The following CREBBP variants were observed in gnomAD, a reference collection of about 807,000 sequenced individuals.
The protein encoded by CREBBP is CREB-binding protein.
Under a neutral mutation model 265.0 loss-of-function variants are expected in CREBBP, and 19 were observed. The observed-to-expected ratio is 0.07, with a 90% CI of 0.05 to 0.11. CREBBP has a LOEUF of 0.11. CREBBP is among the 10% of genes least tolerant of loss of function. The pLI is 1.00. For synonymous variants in CREBBP, 1,457 were observed against 1,223.7 expected, an observed-to-expected ratio of 1.19 and a Z score of -3.98; for missense variants, 2,525 against 3,219.0, an observed-to-expected ratio of 0.78 and a Z score of 5.22.
At chr16:3,864,373 G>C (rs2055136368) in intron 1 of CREBBP, among the ~76,000 whole-genome samples, 1 of 152,206 alleles carries the variant, frequency 6.6e-6, no homozygotes, top group Admixed American at 6.5e-5. Flanking sequence ...TACCAGGTAT[G>C]TTGGCTCACA....
chr16:3,742,097 C>CA (rs34412460), intron 23 of CREBBP: 247 of 143,936 alleles, frequency 1.7e-3, no homozygotes, highest in Middle Eastern at 3.6e-3. Flanking sequence ...CAAAACAAAA[C>CA]AAAAAAAAAA....
Position 3,729,374 on chromosome 16 carries a change from C to G in CREBBP, c.5673G>C (p.Gly1891=), listed in dbSNP as rs2151309077. The change falls in exon 31 of 31, where the codon GGG becomes GGC. Residue 1891 remains glycine, a synonymous_variant. Transcript: ENST00000262367. ...SLPSPTSAPP[G]TPTQQPSTPQ... The stretch of plus-strand genomic sequence containing the variant: ...GTGTGCTGGGCTGCTGTGTGGGGGT[C>G]CCGGGCGGTGCTGAGGTAGGAGAAG... 1 of 1,608,582 alleles carries G rather than the reference C, an allele frequency of 6.2e-7. No homozygotes were observed. The highest frequency in any genetic ancestry group is 8.5e-7 in the Non-Finnish European group (1 of 1,179,458).
rs745617177 is a variant in CREBBP, at chr16:3,749,635, G to A, written c.3828C>T (p.Asp1276=). Residue 1276 remains aspartate, a synonymous_variant, in exon 21 of 31, where the codon GAC becomes GAT. Transcript: ENST00000262367. ...QFEKKKNDTL[D]PEPFVDCKEC... The stretch of plus-strand genomic sequence containing the variant: ...AATAGCTATATACTTACGGTTCGGG[G>A]TCTAAGGTATCATTTTTCTTCTTTT... 23 of 1,604,654 alleles carry A rather than the reference G, an allele frequency of 1.4e-5. No homozygotes were observed. Among genetic ancestry groups the A allele is most frequent in the Admixed American group, 3.3e-5 (2 of 59,916 alleles).
intron 1 of CREBBP, among the ~76,000 whole-genome samples, chr16:3,872,729 G>A (rs2055326415): frequency 6.6e-6 from 1 of 152,256 alleles, no homozygotes; most frequent in Non-Finnish European, 1.5e-5. Context: ...TCAGATGTGA[G>A]CAAGCCATGG....
intron 1 of CREBBP, among the ~76,000 whole-genome samples, chr16:3,853,250 G>C (rs1439206535): frequency 1.3e-5 from 2 of 152,182 alleles, no homozygotes; most frequent in African/African-American, 4.8e-5. Context: ...GGTGGTAAAT[G>C]CTAAGTACTG....
intron 23 of CREBBP, 69 bp downstream of exon 23, chr16:3,744,825 C>T: frequency 3.3e-6 from 4 of 1,223,556 alleles, no homozygotes; most frequent in Non-Finnish European, 1.2e-6. Flanking sequence ...AACCAAAGAA[C>T]AATGGGGACA....
At chr16:3,736,612 T>C (rs1346143466) in intron 27 of CREBBP, 38 bp downstream of exon 27, 1 of 1,614,118 alleles carries the variant, frequency 6.2e-7, no homozygotes, top group South Asian at 1.1e-5. Flanking sequence ...TCCCCTCAGT[T>C]GTGACAAAAG....
chr16:3,739,562 G>A lies in CREBBP; in HGVS notation c.4280+16C>T, dbSNP rs2151336426. On this transcript the variant is annotated intron_variant, in intron 25 of 30. Transcript: ENST00000262367. ...GCTCACTGAATGACACGCCCTGGAA[G>A]GAGCTGGAAAACTACCTCGTGTTTG... The A allele has an allele frequency of 6.2e-7, 1 of 1,614,208 alleles. No individual in the cohort carries two copies. The highest frequency in any genetic ancestry group is 8.5e-7 in the Non-Finnish European group (1 of 1,180,040).
At chr16:3,814,215 CTGTGTGTGTGTGTGTGTGTGTGTGTG>C (rs6145729) in intron 2 of CREBBP, among the ~76,000 whole-genome samples, 2,001 of 104,062 alleles carry the variant, frequency 0.019, 108 homozygotes, top group Admixed American at 0.14. Flanking sequence ...GAGTCTCGTT[CTGTGTGTGTGTGTGTGTGTGTGTGTG>C]TGTGTGTGTG....
At chr16:3,802,488 A>G (rs1225108349) in intron 3 of CREBBP, among the ~76,000 whole-genome samples, 3 of 152,082 alleles carry the variant, frequency 2.0e-5, no homozygotes, top group Non-Finnish European at 2.9e-5. Context: ...TGTTATTGCT[A>G]CATAGGTTTT....
chr16:3,812,120 G>A (rs1369200181), intron 2 of CREBBP, among the ~76,000 whole-genome samples: 2 of 152,032 alleles, frequency 1.3e-5, no homozygotes, highest in Non-Finnish European at 2.9e-5. Context: ...CCAAGCAGTA[G>A]GCGATGGGTA....
chr16:3,769,293 C>T lies in CREBBP; in HGVS notation c.2941G>A (p.Ala981Thr), dbSNP rs61753380. 4.1e-3 allele frequency: 6,673 copies of T among 1,614,118 alleles called. 18 individuals are homozygous for T. The highest frequency in any genetic ancestry group is 5.1e-3 in the Non-Finnish European group (5,995 of 1,180,022). ...CCTGGCTGCTGGGAATTGGTTTCTGCGCTGGCCACCGAGGAGGGGGTAGGG... is the reference window on the plus strand; with the variant it reads ...CCTGGCTGCTGGGAATTGGTTTCTGTGCTGGCCACCGAGGAGGGGGTAGGG... ...RVPTPSSVAS[A>T]ETNSQQPGPD... Residue 981 changes from alanine to threonine, a missense_variant, in exon 15 of 31, where the codon GCA becomes ACA. Around this residue, in one of 19 missense-constraint regions of CREBBP, gnomAD observed 548 missense variants for 533.0 expected, o/e 1.03. Coordinates refer to ENST00000262367, the MANE Select transcript of CREBBP (RefSeq NM_004380.3).
At chr16:3,753,108 T>C (rs2052511695) in intron 19 of CREBBP, among the ~76,000 whole-genome samples, 1 of 152,162 alleles carries the variant, frequency 6.6e-6, no homozygotes, top group Admixed American at 6.5e-5. Flanking sequence ...AGGATTAGTA[T>C]TAAAAACAGT....
At chr16:3,742,977 T>C (rs978255372) in intron 23 of CREBBP, 18 of 152,232 alleles carry the variant, frequency 1.2e-4, no homozygotes, top group African/African-American at 4.3e-4. Flanking sequence ...GGAGGCCTAG[T>C]TCTCTGGGTA....
At chr16:3,855,222 G>A (rs992632704) in intron 1 of CREBBP, among the ~76,000 whole-genome samples, 2 of 152,146 alleles carry the variant, frequency 1.3e-5, no homozygotes, top group Non-Finnish European at 2.9e-5. Flanking sequence ...AATCGAAAAA[G>A]GATCAAAGGT....
intron 13 of CREBBP, among the ~76,000 whole-genome samples, chr16:3,771,669 C>G (rs927955511): frequency 2.0e-5 from 3 of 151,954 alleles, no homozygotes; most frequent in African/African-American, 7.3e-5. Flanking sequence ...AAGGTGGACA[C>G]TCAGTGACTA....
At chr16:3,835,083 C>T (rs545116139) in intron 2 of CREBBP, among the ~76,000 whole-genome samples, 6 of 152,128 alleles carry the variant, frequency 3.9e-5, no homozygotes, top group East Asian at 1.9e-4. Flanking sequence ...GGCATGAACC[C>T]GGGAGGTGGA....
rs1290483532 is a variant in CREBBP at position 3,725,168 on chromosome 16, GAC to G, written c.*2548_*2549del. On this transcript the variant is annotated 3_prime_UTR_variant, in exon 31 of 31. Coordinates refer to ENST00000262367, the MANE Select transcript of CREBBP (RefSeq NM_004380.3). ...TTCTCCTCTTAAGTATACAGCATGAGACACAGCGTTGGGGCTTTCCAGGTTTC... is the reference window on the plus strand; with the variant it reads ...TTCTCCTCTTAAGTATACAGCATGAGACAGCGTTGGGGCTTTCCAGGTTTC... 2 of 233,380 alleles carry G rather than the reference GAC, an allele frequency of 8.6e-6. No individual in the cohort carries two copies. The highest frequency in any genetic ancestry group is 1.1e-4 in the Admixed American group (2 of 17,780). 14.5% of individuals were successfully genotyped at this position (233,380 alleles called of 1,614,324 possible).
chr16:3,821,879 A>C (rs2141381818), intron 2 of CREBBP, among the ~76,000 whole-genome samples: 1 of 152,210 alleles, frequency 6.6e-6, no homozygotes, highest in East Asian at 1.9e-4. Flanking sequence ...AAAATACAAA[A>C]ATTAGCCAGG....
Sources: allele counts gnomAD v4.1 joint callset (sites outside exome capture counted in the v4.1 genomes callset), GRCh38; gene constraint gnomAD v4.1.1; regional missense constraint gnomAD v4.1.1; transcripts MANE v1.5; gene names NCBI Gene and HGNC (gene_info 2026-07-23, HGNC 2026-07-21).